The following DOCK8 variants were observed in gnomAD, a reference collection of about 807,000 sequenced individuals.
DOCK8 encodes the protein dedicator of cytokinesis protein 8.
In DOCK8, 141 loss-of-function variants were observed where a neutral mutation model predicts 245.6. That is an observed-to-expected ratio of 0.57 (90% CI 0.50 to 0.66). The LOEUF is 0.66. Among genes scored for constraint, DOCK8 ranks in the 30% least tolerant of loss-of-function variants. The probability of loss-of-function intolerance (pLI) is 0.00; values close to 1 mark genes in which losing one functional copy is unlikely to be tolerated. For missense variants in DOCK8, 2,965 were observed against 2,603.4 expected, an observed-to-expected ratio of 1.14 and a Z score of -3.02; for synonymous variants, 1,168 against 970.2, an observed-to-expected ratio of 1.20 and a Z score of -3.79.
chr9:236,272 T>C (rs2047246195), intron 1 of DOCK8, among the ~76,000 whole-genome samples: 1 of 152,218 alleles, frequency 6.6e-6, no homozygotes, highest in African/African-American at 2.4e-5. Flanking sequence ...AAAAAAGACA[T>C]GCCAGCTAAC....
At chr9:324,795 T>A (rs2050683401) in intron 7 of DOCK8, among the ~76,000 whole-genome samples, 1 of 152,226 alleles carries the variant, frequency 6.6e-6, no homozygotes, top group Non-Finnish European at 1.5e-5. Context: ...GCCCCATTCC[T>A]TAGAATTGAA....
chr9:317,810 T>C (rs1254090802), intron 7 of DOCK8, among the ~76,000 whole-genome samples: 1 of 152,200 alleles, frequency 6.6e-6, no homozygotes, highest in Non-Finnish European at 1.5e-5. Context: ...AAAACCCAGA[T>C]TTTTCTGCAT....
intron 38 of DOCK8, 122 bp from the exon 39 acceptor site, chr9:434,661 A>G: frequency 1.0e-6 from 1 of 983,066 alleles, no homozygotes; most frequent in South Asian, 1.4e-5. Context: ...ATAGGGCAAA[A>G]TCTCAGGTGG....
Position 464,283 on chromosome 9 carries a change from T to C in DOCK8, c.*64T>C. ...ACCCTGGAGAAGGACTTGCTGGTAC[T>C]TAAAAAATGGGACATTTGCCACCCA... On this transcript the variant is annotated 3_prime_UTR_variant, in exon 48 of 48. Coordinates refer to ENST00000432829, the MANE Select transcript of DOCK8 (RefSeq NM_203447.4). 2 of 1,439,578 alleles carry C rather than the reference T, an allele frequency of 1.4e-6. No individual in the cohort carries two copies. Among genetic ancestry groups the C allele is most frequent in the Admixed American group, 1.7e-5 (1 of 59,794 alleles). The allele number at this position is 1,439,578 out of a possible 1,614,324, so 89.2% of individuals were successfully genotyped here.
chr9:422,014 A>T lies in DOCK8; in HGVS notation c.4154-34A>T, dbSNP rs750293679. The stretch of plus-strand genomic sequence containing the variant: ...GGTTATCTTGGAGGGTTTCATGCTA[A>T]TCAAATTCCTATCATGCATTTCTTA... On this transcript the variant is annotated intron_variant, in intron 32 of 47. Coordinates refer to ENST00000432829, the MANE Select transcript of DOCK8 (RefSeq NM_203447.4). 3.2e-6 allele frequency: 5 copies of T among 1,566,804 alleles called. No homozygotes were observed. The Admixed American group carries it at 8.3e-5, about 26-fold the overall frequency.
intron 36 of DOCK8, among the ~76,000 whole-genome samples, chr9:430,682 A>AAG (rs397762220): frequency 1.3e-5 from 2 of 149,656 alleles, no homozygotes. Context: ...AAAAAAAAAA[A>AAG]GAAAGAAAGA....
intron 42 of DOCK8, among the ~76,000 whole-genome samples, chr9:442,784 A>C (rs937030647): frequency 8.6e-5 from 13 of 151,392 alleles, no homozygotes; most frequent in African/African-American, 3.2e-4. Flanking sequence ...CAATTAACCA[A>C]AGATTCACTC....
At chr9:429,912 C>A (rs973155783) in intron 36 of DOCK8, 58 bp downstream of exon 36, 59 of 1,597,222 alleles carry the variant, frequency 3.7e-5, no homozygotes, top group Non-Finnish European at 3.7e-5. Flanking sequence ...TGATGTAAAG[C>A]ATCAGCTGCG....
chr9:418,591 G>T (rs1180131427), intron 30 of DOCK8, among the ~76,000 whole-genome samples: 2 of 152,154 alleles, frequency 1.3e-5, no homozygotes, highest in Non-Finnish European at 2.9e-5. Context: ...TCTGATGGGA[G>T]AACTCAGCTT....
chr9:345,296 A>G (rs2130967310), intron 14 of DOCK8, among the ~76,000 whole-genome samples: 1 of 152,332 alleles, frequency 6.6e-6, no homozygotes, highest in African/African-American at 2.4e-5. Flanking sequence ...TCACCTCATG[A>G]ATTTGAAATA....
intron 25 of DOCK8, among the ~76,000 whole-genome samples, chr9:397,264 C>T (rs1204715039): frequency 2.0e-5 from 3 of 150,330 alleles, no homozygotes; most frequent in Non-Finnish European, 4.4e-5. Context: ...AGCAAGAGAA[C>T]TGCTTGAACC....
chr9:442,807 T>C (rs1474688543), intron 42 of DOCK8, among the ~76,000 whole-genome samples: 1 of 151,278 alleles, frequency 6.6e-6, no homozygotes, highest in African/African-American at 2.5e-5. Context: ...TAGGCTTTCA[T>C]TGCTTTGAAT....
At chr9:390,868 C>T (rs1488309237) in intron 24 of DOCK8, among the ~76,000 whole-genome samples, 1 of 152,192 alleles carries the variant, frequency 6.6e-6, no homozygotes, top group East Asian at 1.9e-4. Flanking sequence ...TCCATTTTTG[C>T]TCTTGGCCCA....
chr9:411,020 A>T (rs990573144), intron 28 of DOCK8, among the ~76,000 whole-genome samples: 1 of 152,220 alleles, frequency 6.6e-6, no homozygotes, highest in African/African-American at 2.4e-5. Flanking sequence ...ACTAAAATTG[A>T]CTCCAAGAAG....
intron 6 of DOCK8, among the ~76,000 whole-genome samples, chr9:316,439 A>G (rs755964559): frequency 1.4e-4 from 22 of 152,176 alleles, no homozygotes; most frequent in Non-Finnish European, 3.2e-4. Flanking sequence ...AGAGCTCTTA[A>G]TTTGTCATTA....
chr9:239,296 T>G (rs1056362486), intron 1 of DOCK8, among the ~76,000 whole-genome samples: 1 of 152,230 alleles, frequency 6.6e-6, no homozygotes, highest in Non-Finnish European at 1.5e-5. Context: ...AAAGTTGGAC[T>G]TTAAATTTCC....
Position 340,254 on chromosome 9 carries a change from A to G in DOCK8, c.1612A>G (p.Thr538Ala), listed in dbSNP as rs751178294. The G allele has an allele frequency of 6.2e-7, 1 of 1,614,008 alleles. No individual in the cohort carries two copies. The highest frequency in any genetic ancestry group is 1.3e-5 in the African/African-American group (1 of 74,896). ...LPVKPFPENR[T>A]RPHKEILEFP... Reference sequence around the variant, plus strand: ...CGTGAAACCCTTTCCTGAAAACCGGACACGCCCGCACAAAGAGATTTTGGA... The same window carrying G: ...CGTGAAACCCTTTCCTGAAAACCGGGCACGCCCGCACAAAGAGATTTTGGA... The change falls in exon 14 of 48, where the codon ACA becomes GCA. Residue 538 changes from threonine (T) to alanine (A), a missense_variant. Thr to Ala is a moderately conservative substitution (Grantham distance 58). Transcript: ENST00000432829.
At chr9:357,659 C>T (rs897470617) in intron 14 of DOCK8, among the ~76,000 whole-genome samples, 2 of 151,916 alleles carry the variant, frequency 1.3e-5, no homozygotes, top group African/African-American at 2.4e-5. Flanking sequence ...GTTCAGAGTA[C>T]AGTACCAGCG....
At chr9:335,081 CAA>C (rs921432274) in intron 11 of DOCK8, among the ~76,000 whole-genome samples, 3 of 147,924 alleles carry the variant, frequency 2.0e-5, no homozygotes, top group African/African-American at 7.5e-5. Flanking sequence ...GACTTTGTCT[CAA>C]AAAAAAAGAA....
Sources: gnomAD v4.1 joint callset for allele counts (sites outside exome capture counted in the v4.1 genomes callset) on GRCh38, gnomAD v4.1.1 for gene constraint, MANE v1.5 for transcripts, NCBI Gene and HGNC (gene_info 2026-07-23, HGNC 2026-07-21) for gene names.